The following DDR2 variants were observed in gnomAD, a reference collection of about 807,000 sequenced individuals.
DDR2 encodes the protein discoidin domain-containing receptor 2.
DDR2 carries 27 observed loss-of-function variants against 94.9 expected under a neutral mutation model. The ratio of observed to expected loss-of-function variants is 0.28; its 90% CI spans 0.21 to 0.39. The LOEUF (loss-of-function observed/expected upper bound fraction) is 0.39. Ranked by LOEUF, DDR2 falls within the 10% of genes least tolerant of loss-of-function variation. The pLI is 1.00. For missense variants in DDR2, 783 were observed against 1,076.0 expected, an observed-to-expected ratio of 0.73 and a Z score of 3.81; for synonymous variants, 382 against 377.2, an observed-to-expected ratio of 1.01 and a Z score of -0.15.
At position 162,776,599 on chromosome 1, in the gene DDR2, A is replaced by T. The variant is rs1400810337; in HGVS notation, c.2283+229A>T. ...TTTAGGGAGAGAAGTTAAAAAGTAT[A>T]AGAGATTTATTATCTTTGTTTCTCT... On this transcript the variant is annotated intron_variant, in intron 16 of 17. Coordinates refer to ENST00000367921, the MANE Select transcript of DDR2 (RefSeq NM_006182.4). 2.0e-5 allele frequency among the ~76,000 whole-genome samples: 3 copies of T among 152,218 alleles called. No homozygotes were observed. The East Asian group carries it at 5.8e-4, about 29-fold the overall frequency.
At chr1:162,642,408 G>A (rs1657182706) in intron 1 of DDR2, among the ~76,000 whole-genome samples, 1 of 151,380 alleles carries the variant, frequency 6.6e-6, no homozygotes, top group East Asian at 1.9e-4. Flanking sequence ...GAGTAGCTGG[G>A]ATTACAGGCA....
In DDR2 at chr1:162,761,509, GCACATGCC is replaced by G. The variant is rs145505636; in HGVS notation, c.1099+58_1099+65del. The G allele has an allele frequency of 6.2e-5, 100 of 1,613,524 alleles. No individual in the cohort carries two copies. In the East Asian group the frequency reaches 2.2e-3, roughly 36 times the overall value. ...GGGAGCAAGGTGATGAAGGAGGAATGCACATGCCCAGAACTTCTCATTAGCAGGTCTCT... is the reference window on the plus strand; with the variant it reads ...GGGAGCAAGGTGATGAAGGAGGAATGCAGAACTTCTCATTAGCAGGTCTCT... On this transcript the variant is annotated intron_variant, in intron 9 of 17. Coordinates refer to ENST00000367921, the MANE Select transcript of DDR2 (RefSeq NM_006182.4).
rs1647835643 is a variant in DDR2, at chr1:162,780,417, ACACT to A, written c.*172_*175del. On this transcript the variant is annotated 3_prime_UTR_variant, in exon 18 of 18. Coordinates refer to ENST00000367921, the MANE Select transcript of DDR2 (RefSeq NM_006182.4). ...CCCACTCCCTACCCCTGACTCATAT[ACACT>A]TTTTTTTTTTTTTACATTAAAGAAC... 9 of 687,362 alleles carry A rather than the reference ACACT, an allele frequency of 1.3e-5. 1 individual carries two copies. Among genetic ancestry groups the A allele is most frequent in the Non-Finnish European group, 1.9e-5 (9 of 482,648 alleles). The allele number at this position is 687,362 out of a possible 1,614,324, so 42.6% of individuals were successfully genotyped here.
chr1:162,743,381 T>C (rs1662703044), intron 3 of DDR2, among the ~76,000 whole-genome samples: 1 of 152,254 alleles, frequency 6.6e-6, no homozygotes, highest in South Asian at 2.1e-4. Flanking sequence ...TCCCTTGATT[T>C]TTGCTACTTC....
intron 3 of DDR2, among the ~76,000 whole-genome samples, chr1:162,746,513 G>T (rs1180025261): frequency 1.3e-5 from 2 of 152,212 alleles, no homozygotes; most frequent in Non-Finnish European, 2.9e-5. Flanking sequence ...AACCAGGCCT[G>T]CCTGCCTCTG....
At chr1:162,718,063 T>G (rs1661248753) in intron 2 of DDR2, among the ~76,000 whole-genome samples, 1 of 152,210 alleles carries the variant, frequency 6.6e-6, no homozygotes, top group African/African-American at 2.4e-5. Flanking sequence ...TATTCAATCA[T>G]TAATTTATAG....
chr1:162,719,144 A>T lies in DDR2; in HGVS notation c.81A>T (p.Pro27=), dbSNP rs761350068. 1 of 1,613,788 alleles carries T rather than the reference A, an allele frequency of 6.2e-7. No individual in the cohort carries two copies. Among genetic ancestry groups the T allele is most frequent in the Non-Finnish European group, 8.5e-7 (1 of 1,179,748 alleles). ...ILSSAKAQVN[P]AICRYPLGMS... is the part of the protein sequence containing the mutation. Reference sequence around the variant, plus strand: ...GTTCTGCAAAAGCTCAGGTTAATCCAGGTAACATGGCTATTACTCAGCTAT... The same window carrying T: ...GTTCTGCAAAAGCTCAGGTTAATCCTGGTAACATGGCTATTACTCAGCTAT... The change falls in exon 3 of 18, where the codon CCA becomes CCT. Residue 27 remains proline (P), a splice_region_variant and synonymous_variant. Transcript: ENST00000367921.
intron 1 of DDR2, among the ~76,000 whole-genome samples, chr1:162,640,414 C>T (rs887508398): frequency 5.3e-5 from 8 of 152,018 alleles, no homozygotes; most frequent in Non-Finnish European, 7.4e-5. Context: ...GTGCCAATGT[C>T]GTGAGGGATG....
chr1:162,776,062 C>A, intron 15 of DDR2, 74 bp from the exon 16 acceptor site: 1 of 1,420,820 alleles, frequency 7.0e-7, no homozygotes. Context: ...TTGTTGATAC[C>A]ATTTTAGAAT....
Position 162,773,485 on chromosome 1 carries a change from T to C in DDR2, c.1745T>C (p.Val582Ala), listed in dbSNP as rs775228000. 1.9e-6 allele frequency: 3 copies of C among 1,613,822 alleles called. No individual in the cohort carries two copies. Among genetic ancestry groups the C allele is most frequent in the Non-Finnish European group, 2.5e-6 (3 of 1,179,858 alleles). The change falls in exon 14 of 18, where the codon GTG becomes GCG. Residue 582 changes from valine (V) to alanine (A), a missense_variant. Coordinates refer to ENST00000367921, the MANE Select transcript of DDR2 (RefSeq NM_006182.4). ...GQFGEVHLCE[V>A]EGMEKFKDKD... ...TTTGTCTAGGTTCATCTCTGTGAAG[T>C]GGAGGGAATGGAAAAATTCAAAGAC...
chr1:162,708,817 C>A (rs928296148), intron 2 of DDR2, among the ~76,000 whole-genome samples: 3 of 152,170 alleles, frequency 2.0e-5, no homozygotes, highest in African/African-American at 7.2e-5. Context: ...TACACATATT[C>A]TCTGAGTACT....
Position 162,780,026 on chromosome 1 carries a change from T to C in DDR2, c.2434-86T>C, listed in dbSNP as rs985681888. ...AGTGGGCAGGGGGCAAATCAAACCA[T>C]GATGCAAAGATACTTCCCTTTCCCC... On this transcript the variant is annotated intron_variant, in intron 17 of 17. Transcript: ENST00000367921. The C allele has an allele frequency of 6.3e-6, 10 of 1,594,710 alleles. No homozygotes were observed. The African/African-American group carries it at 1.1e-4, about 17-fold the overall frequency.
chr1:162,755,645 G>A lies in DDR2; in HGVS notation c.566-19G>A. 4.3e-6 allele frequency: 7 copies of A among 1,611,444 alleles called. No individual in the cohort carries two copies. Among genetic ancestry groups the A allele is most frequent in the African/African-American group, 1.3e-5 (1 of 74,980 alleles). On this transcript the variant is annotated intron_variant, in intron 6 of 17. Coordinates refer to ENST00000367921, the MANE Select transcript of DDR2 (RefSeq NM_006182.4). ...GGGCCTGAGCAGTAGGCACTCACTTGGCTGTGTTTCCTTTGCAGATGGCTT... is the reference window on the plus strand; with the variant it reads ...GGGCCTGAGCAGTAGGCACTCACTTAGCTGTGTTTCCTTTGCAGATGGCTT...
At chr1:162,681,645 T>C (rs4512620) in intron 2 of DDR2, among the ~76,000 whole-genome samples, 104,122 of 151,960 alleles carry the variant, frequency 0.69, 37,069 homozygotes, top group Middle Eastern at 0.82. Flanking sequence ...AGATAACTGT[T>C]TTCTTGCTGT....
chr1:162,730,150 C>T (rs897673925), intron 3 of DDR2, among the ~76,000 whole-genome samples: 1 of 150,536 alleles, frequency 6.6e-6, no homozygotes, highest in Non-Finnish European at 1.5e-5. Context: ...GGAATATCAT[C>T]CCTTTAAATG....
chr1:162,689,260 G>C (rs555665016), intron 2 of DDR2, among the ~76,000 whole-genome samples: 3 of 152,316 alleles, frequency 2.0e-5, no homozygotes, highest in African/African-American at 7.2e-5. Flanking sequence ...TGTGTGAGGT[G>C]ATGGTTAATA....
At chr1:162,677,066 C>T (rs1051728909) in intron 2 of DDR2, among the ~76,000 whole-genome samples, 4 of 152,126 alleles carry the variant, frequency 2.6e-5, no homozygotes, top group South Asian at 2.1e-4. Flanking sequence ...CAATATTATG[C>T]GAGATGTGGC....
chr1:162,722,509 A>G (rs530909895), intron 3 of DDR2, among the ~76,000 whole-genome samples: 1 of 152,230 alleles, frequency 6.6e-6, no homozygotes, highest in Non-Finnish European at 1.5e-5. Flanking sequence ...TGTCAAAATC[A>G]TGGCTCAGAA....
intron 11 of DDR2, among the ~76,000 whole-genome samples, chr1:162,769,498 G>A (rs1664161602): frequency 6.6e-6 from 1 of 152,178 alleles, no homozygotes; most frequent in South Asian, 2.1e-4. Flanking sequence ...GCTTAGTACT[G>A]GGGATATTAC....
Sources: gnomAD v4.1 joint callset for allele counts (sites outside exome capture counted in the v4.1 genomes callset) on GRCh38, gnomAD v4.1.1 for gene constraint, MANE v1.5 for transcripts, NCBI Gene and HGNC (gene_info 2026-07-23, HGNC 2026-07-21) for gene names.